MAF: variants seen among roughly 807,000 people sequenced by gnomAD.
MAF encodes the protein transcription factor Maf.
MAF carries 10 observed loss-of-function variants against 22.0 expected under a neutral mutation model. The ratio of observed to expected loss-of-function variants is 0.45; its 90% CI spans 0.28 to 0.77. MAF has a LOEUF of 0.77. MAF is among the 30% of genes least tolerant of loss of function. MAF has a pLI of 0.12. For synonymous variants in MAF, 337 were observed against 255.8 expected, an observed-to-expected ratio of 1.32 and a Z score of -3.03; for missense variants, 544 against 548.4, an observed-to-expected ratio of 0.99 and a Z score of 0.08.
chr16:79,276,770 G>T, the MAF span, among the ~76,000 whole-genome samples: 1 of 152,124 alleles, frequency 6.6e-6, no homozygotes, highest in African/African-American at 2.4e-5. Context: ...CCTAACAAAT[G>T]ACCATAAAAC....
the MAF span, among the ~76,000 whole-genome samples, chr16:79,531,871 C>T: frequency 3.4e-4 from 51 of 152,090 alleles, no homozygotes; most frequent in African/African-American, 1.2e-3. Flanking sequence ...AGAAAATAGG[C>T]ATCAGTGAGA....
At chr16:79,572,266 G>C in the MAF span, among the ~76,000 whole-genome samples, 1 of 152,136 alleles carries the variant, frequency 6.6e-6, no homozygotes, top group South Asian at 2.1e-4. Context: ...AGAGGTGTGT[G>C]GAGGGACGTG....
chr16:79,510,626 C>T, the MAF span, among the ~76,000 whole-genome samples: 1 of 152,074 alleles, frequency 6.6e-6, no homozygotes, highest in Non-Finnish European at 1.5e-5. Context: ...ACTGTCATAC[C>T]CAGAAGACTT....
chr16:79,238,858 C>G, the MAF span, among the ~76,000 whole-genome samples: 5 of 151,946 alleles, frequency 3.3e-5, no homozygotes, highest in African/African-American at 1.2e-4. Context: ...CTTGACCCCA[C>G]TCTACTTCCT....
chr16:79,464,173 G>A, the MAF span, among the ~76,000 whole-genome samples: 1 of 152,154 alleles, frequency 6.6e-6, no homozygotes, highest in Non-Finnish European at 1.5e-5. Flanking sequence ...GCATTGTGCA[G>A]AACAAATTTA....
At chr16:79,285,976 A>G in the MAF span, among the ~76,000 whole-genome samples, 1 of 152,178 alleles carries the variant, frequency 6.6e-6, no homozygotes, top group African/African-American at 2.4e-5. Flanking sequence ...TTTGGGTTCT[A>G]CAGCACGACA....
the MAF span, among the ~76,000 whole-genome samples, chr16:79,248,270 A>G: frequency 2.6e-5 from 4 of 152,148 alleles, no homozygotes; most frequent in East Asian, 1.9e-4. Flanking sequence ...ACCTGATAAT[A>G]AATTTTGCTT....
the MAF span, among the ~76,000 whole-genome samples, chr16:79,235,005 A>G: frequency 6.6e-6 from 1 of 152,166 alleles, no homozygotes; most frequent in Admixed American, 6.6e-5. Context: ...TCCAGTAGCC[A>G]CGGACTTAAT....
chr16:79,234,860 G>A, the MAF span, among the ~76,000 whole-genome samples: 1 of 152,066 alleles, frequency 6.6e-6, no homozygotes, highest in Non-Finnish European at 1.5e-5. Context: ...CTTTGCAGTG[G>A]GATAGGAGCA....
chr16:79,374,950 T>C, the MAF span, among the ~76,000 whole-genome samples: 6,877 of 152,284 alleles, frequency 0.045, 494 homozygotes, highest in African/African-American at 0.16. Context: ...TGTGTGCATA[T>C]GTGTTGTATA....
chr16:79,535,586 C>CTTTTTTTTTTTTTTTTTTTTTTTTTTT, the MAF span, among the ~76,000 whole-genome samples: 8 of 130,590 alleles, frequency 6.1e-5, 4 homozygotes. Context: ...ATTGCTTCTT[C>CTTTTTTTTTTTTTTTTTTTTTTTTTTT]TTTTTTTTTT....
At chr16:79,492,470 A>G in the MAF span, among the ~76,000 whole-genome samples, 12 of 115,414 alleles carry the variant, frequency 1.0e-4, no homozygotes, top group Admixed American at 8.7e-4. Flanking sequence ...CATTTGTTCT[A>G]TATATAGCAA....
At chr16:79,365,827 A>G in the MAF span, among the ~76,000 whole-genome samples, 62 of 152,332 alleles carry the variant, frequency 4.1e-4, 1 homozygote, top group Middle Eastern at 6.8e-3. Context: ...AAGTTATTCA[A>G]CATGCACTGC....
chr16:79,600,205 G>A lies in MAF; in HGVS notation c.-303C>T. 1 of 328,174 alleles carries A rather than the reference G, an allele frequency of 3.0e-6. No individual in the cohort carries two copies. The highest frequency in any genetic ancestry group is 5.6e-6 in the Non-Finnish European group (1 of 178,714). The allele number at this position is 328,174 out of a possible 1,614,324, so 20.3% of individuals were successfully genotyped here. ...GCGCCGAGCCGGCGGCTTCAGGCTCGGGAAGATCCTCCGCGAGCTGCGGTG... is the reference window on the plus strand; with the variant it reads ...GCGCCGAGCCGGCGGCTTCAGGCTCAGGAAGATCCTCCGCGAGCTGCGGTG... On this transcript the variant is annotated 5_prime_UTR_variant, in exon 1 of 2. An upstream open reading frame in the 5' UTR gains an earlier in-frame stop. Transcript: ENST00000326043.
the MAF span, among the ~76,000 whole-genome samples, chr16:79,348,766 T>A: frequency 1.1e-4 from 16 of 152,300 alleles, no homozygotes; most frequent in South Asian, 2.1e-4. Context: ...GAAAAGCAAT[T>A]CTAGTGATTC....
At chr16:79,329,880 G>A in the MAF span, among the ~76,000 whole-genome samples, 3 of 151,856 alleles carry the variant, frequency 2.0e-5, no homozygotes, top group Non-Finnish European at 4.4e-5. Context: ...CTTCCTACAT[G>A]GAAATGTTGG....
the MAF span, among the ~76,000 whole-genome samples, chr16:79,253,680 T>A: frequency 6.6e-6 from 1 of 152,088 alleles, no homozygotes; most frequent in Non-Finnish European, 1.5e-5. Context: ...TTTCCTTGCA[T>A]CTCTTTGTCC....
chr16:79,293,981 G>C, the MAF span, among the ~76,000 whole-genome samples: 1 of 152,178 alleles, frequency 6.6e-6, no homozygotes, highest in Non-Finnish European at 1.5e-5. Flanking sequence ...CCAGTGGAGA[G>C]ATTTTCCCCA....
the MAF span, among the ~76,000 whole-genome samples, chr16:79,466,338 T>A: frequency 6.6e-6 from 1 of 152,182 alleles, no homozygotes; most frequent in African/African-American, 2.4e-5. Context: ...TTAAATGATG[T>A]CCATTAATGC....
Sources: gnomAD v4.1 joint callset for allele counts (sites outside exome capture counted in the v4.1 genomes callset) on GRCh38, gnomAD v4.1.1 for gene constraint, MANE v1.5 for transcripts, NCBI Gene and HGNC (gene_info 2026-07-23, HGNC 2026-07-21) for gene names.